FYB2: variants seen among roughly 807,000 people sequenced by gnomAD.
FYB2 encodes FYN-binding protein 2.
A neutral mutation model predicts 94.1 loss-of-function variants in FYB2; 103 were observed. That is an observed-to-expected ratio of 1.09 (90% CI 0.93 to 1.29). The LOEUF (loss-of-function observed/expected upper bound fraction) is 1.29. Among genes scored for constraint, FYB2 ranks in the 50% most tolerant of loss-of-function variants. The probability of loss-of-function intolerance (pLI) is 0.00; values close to 1 mark genes in which losing one functional copy is unlikely to be tolerated. For missense variants in FYB2, 896 were observed against 841.5 expected, an observed-to-expected ratio of 1.06 and a Z score of -0.80; for synonymous variants, 293 against 287.9, an observed-to-expected ratio of 1.02 and a Z score of -0.18.
intron 4 of FYB2, among the ~76,000 whole-genome samples, chr1:56,783,925 A>C (rs1646069814): frequency 6.6e-6 from 1 of 152,158 alleles, no homozygotes; most frequent in South Asian, 2.1e-4. Context: ...GGGAGGTTAC[A>C]TAACAGCTAA....
intron 15 of FYB2, among the ~76,000 whole-genome samples, chr1:56,729,949 A>G (rs973651780): frequency 5.3e-5 from 8 of 152,130 alleles, no homozygotes; most frequent in Admixed American, 5.2e-4. Flanking sequence ...TGAAGGAAGA[A>G]ATTAAGGATA....
At position 56,789,007 on chromosome 1, in the gene FYB2, C is replaced by T. The variant is rs1646197151; in HGVS notation, c.885G>A (p.Arg295=). ...PPIVNLQAFQ[R]QPAAVPKTQG... ...GAGTCTTGGGAACAGCAGCTGGCTGCCTCTGAAAGGCCTGGAGGTTCACGA... is the reference window on the plus strand; with the variant it reads ...GAGTCTTGGGAACAGCAGCTGGCTGTCTCTGAAAGGCCTGGAGGTTCACGA... The change falls in exon 3 of 20, where the codon AGG becomes AGA. Residue 295 remains arginine (R), a synonymous_variant. Transcript: ENST00000343433. 6.2e-7 allele frequency: 1 copy of T among 1,613,942 alleles called. No individual in the cohort carries two copies. The highest frequency in any genetic ancestry group is 1.3e-5 in the African/African-American group (1 of 74,884).
the FYB2 span, among the ~76,000 whole-genome samples, chr1:56,825,485 C>T: frequency 3.3e-5 from 5 of 152,096 alleles, no homozygotes; most frequent in Admixed American, 2.0e-4. Flanking sequence ...AAATGCTTAC[C>T]TAATTTCCAC....
intron 15 of FYB2, among the ~76,000 whole-genome samples, chr1:56,731,153 C>G (rs1239140235): frequency 6.6e-6 from 1 of 152,008 alleles, no homozygotes; most frequent in Non-Finnish European, 1.5e-5. Flanking sequence ...GGCTGCTGTT[C>G]CTCTGTAGCC....
intron 5 of FYB2, among the ~76,000 whole-genome samples, chr1:56,766,082 C>T (rs1243789115): frequency 6.6e-6 from 1 of 152,146 alleles, no homozygotes; most frequent in Non-Finnish European, 1.5e-5. Flanking sequence ...CCAAATGGTG[C>T]CCACTGCCTT....
chr1:56,814,929 T>C (rs1450415423), intron 1 of FYB2, among the ~76,000 whole-genome samples: 1 of 152,160 alleles, frequency 6.6e-6, no homozygotes, highest in Non-Finnish European at 1.5e-5. Flanking sequence ...AGGCGTGACC[T>C]TGGGAACATA....
intron 5 of FYB2, among the ~76,000 whole-genome samples, chr1:56,767,036 G>A (rs951589461): frequency 6.6e-6 from 1 of 152,122 alleles, no homozygotes; most frequent in African/African-American, 2.4e-5. Flanking sequence ...TCTTTCTGAT[G>A]TTCAGTTTCC....
chr1:56,721,652 C>G (rs1644488086), intron 17 of FYB2, among the ~76,000 whole-genome samples: 1 of 152,018 alleles, frequency 6.6e-6, no homozygotes, highest in African/African-American at 2.4e-5. Flanking sequence ...GGGTCCATTG[C>G]ATACTGTCAT....
chr1:56,761,219 T>C (rs1645486077), intron 5 of FYB2, among the ~76,000 whole-genome samples: 1 of 152,196 alleles, frequency 6.6e-6, no homozygotes, highest in Admixed American at 6.5e-5. Flanking sequence ...ACTAACATAA[T>C]AAAAATAATA....
At chr1:56,741,374 G>A (rs1644948916) in intron 12 of FYB2, among the ~76,000 whole-genome samples, 1 of 152,144 alleles carries the variant, frequency 6.6e-6, no homozygotes, top group South Asian at 2.1e-4. Flanking sequence ...TACAAACTGT[G>A]CTAGAAATAC....
At chr1:56,724,558 C>G (rs1160406103) in intron 16 of FYB2, among the ~76,000 whole-genome samples, 1 of 152,068 alleles carries the variant, frequency 6.6e-6, no homozygotes. Context: ...TCACCTTCCT[C>G]AAATTCATTG....
intron 3 of FYB2, among the ~76,000 whole-genome samples, chr1:56,788,604 T>G (rs1299240198): frequency 6.6e-6 from 1 of 152,176 alleles, no homozygotes; most frequent in Non-Finnish European, 1.5e-5. Context: ...CACACTGACT[T>G]TCTCCCTTTT....
chr1:56,826,188 T>C, the FYB2 span, among the ~76,000 whole-genome samples: 1 of 152,200 alleles, frequency 6.6e-6, no homozygotes, highest in African/African-American at 2.4e-5. Flanking sequence ...CATTCCCCTC[T>C]ATGGGGGGTT....
intron 5 of FYB2, among the ~76,000 whole-genome samples, chr1:56,766,474 C>T (rs1169283457): frequency 6.6e-6 from 1 of 151,884 alleles, no homozygotes; most frequent in African/African-American, 2.4e-5. Flanking sequence ...CGCTCTGTCG[C>T]CTAGGCTGGA....
At chr1:56,811,049 G>A (rs962251007) in intron 1 of FYB2, among the ~76,000 whole-genome samples, 1 of 152,088 alleles carries the variant, frequency 6.6e-6, no homozygotes, top group Admixed American at 6.5e-5. Context: ...CTCACTGAGC[G>A]CAGGTATGCA....
chr1:56,760,756 G>A (rs1645473506), intron 5 of FYB2, among the ~76,000 whole-genome samples: 1 of 152,128 alleles, frequency 6.6e-6, no homozygotes, highest in Non-Finnish European at 1.5e-5. Context: ...GCCATGGCTA[G>A]TAAACAAAGA....
Position 56,731,677 on chromosome 1 carries a change from T to C in FYB2, c.1794-5094A>G, listed in dbSNP as rs116278126. On this transcript the variant is annotated intron_variant, in intron 15 of 19. Coordinates refer to ENST00000343433, the MANE Select transcript of FYB2 (RefSeq NM_001004303.5). ...AGGAACATGCCTGCAGTCAACAAAG[T>C]TGGGTCATTCAACATAGGCAAATCA... is the stretch of plus-strand genomic sequence containing the variant. Among the ~76,000 whole-genome samples, 1,119 of 152,096 alleles carry C rather than the reference T, an allele frequency of 7.4e-3. 8 individuals carry two copies. The highest frequency in any genetic ancestry group is 0.013 in the Non-Finnish European group (870 of 67,948).
chr1:56,818,346 T>C (rs1456365675), intron 1 of FYB2, among the ~76,000 whole-genome samples: 1 of 151,776 alleles, frequency 6.6e-6, no homozygotes, highest in Non-Finnish European at 1.5e-5. Context: ...CAGCAAAAGC[T>C]AAAATGGATC....
chr1:56,808,807 T>C (rs1011208769), intron 1 of FYB2, among the ~76,000 whole-genome samples: 2 of 152,156 alleles, frequency 1.3e-5, no homozygotes, highest in East Asian at 1.9e-4. Flanking sequence ...ATCTGTGAAA[T>C]GGATATGCTG....
Sources: allele counts gnomAD v4.1 joint callset (sites outside exome capture counted in the v4.1 genomes callset), GRCh38; gene constraint gnomAD v4.1.1; transcripts MANE v1.5; gene names NCBI Gene and HGNC (gene_info 2026-07-23, HGNC 2026-07-21).